The following ZFAND5 variants were observed in gnomAD, a reference collection of about 807,000 sequenced individuals.
ZFAND5 encodes AN1-type zinc finger protein 5.
ZFAND5 carries 4 observed loss-of-function variants against 23.6 expected under a neutral mutation model. The observed-to-expected ratio is 0.17, with a 90% CI of 0.08 to 0.39. The LOEUF is 0.39. Among genes scored for constraint, ZFAND5 ranks in the 10% least tolerant of loss-of-function variants. ZFAND5 has a pLI of 1.00. For synonymous variants in ZFAND5, 68 were observed against 80.6 expected (o/e 0.84, Z 0.84); for missense variants, 161 against 253.7 (o/e 0.63, Z 2.48).
intron 4 of ZFAND5, 60 bp from the exon 5 acceptor site, chr9:72,359,581 A>G (rs1001516169): frequency 3.2e-5 from 46 of 1,434,978 alleles, no homozygotes; most frequent in Admixed American, 6.0e-5. Context: ...GAGACAATGA[A>G]TAAGTTGTCA....
rs1281279023 is a variant in ZFAND5, at chr9:72,354,650, T to A, written c.*1303A>T. 1 of 152,600 alleles carries A rather than the reference T, an allele frequency of 6.6e-6. No homozygotes were observed. Among genetic ancestry groups the A allele is most frequent in the East Asian group, 1.9e-4 (1 of 5,196 alleles). 9.5% of individuals were successfully genotyped at this position (152,600 alleles called of 1,614,324 possible). On this transcript the variant is annotated 3_prime_UTR_variant, in exon 7 of 7. Transcript: ENST00000376962. ...AAAAGTAAAAACTAGGACTGAACAT[T>A]GCAATAAATCAGAAGTAGTGCCTCG...
At position 72,360,173 on chromosome 9, in the gene ZFAND5, T is replaced by A. The variant is rs1039559530; in HGVS notation, c.200A>T (p.Gln67Leu). The A allele has an allele frequency of 1.9e-6, 3 of 1,612,958 alleles. No individual in the cohort carries two copies. The African/African-American group carries it at 4.0e-5, about 22-fold the overall frequency. ...NSPTSDSASVQRADTSLNNCE... is the reference protein window; with the variant it reads ...NSPTSDSASVLRADTSLNNCE... Reference sequence around the variant, plus strand: ...GTTGTTTAAGCTAGTGTCTGCTCTCTGTACAGATGCAGAATCTGAGGTAGG... The same window carrying A: ...GTTGTTTAAGCTAGTGTCTGCTCTCAGTACAGATGCAGAATCTGAGGTAGG... Residue 67 changes from glutamine (Q) to leucine (L), a missense_variant, in exon 4 of 7, where the codon CAG becomes CTG. Gln to Leu is a moderately radical substitution (Grantham distance 113). Coordinates refer to ENST00000376962, the MANE Select transcript of ZFAND5 (RefSeq NM_001102420.3).
intron 2 of ZFAND5, 117 bp from the exon 3 acceptor site, chr9:72,360,904 A>C (rs1454122145): frequency 3.3e-6 from 3 of 913,598 alleles, no homozygotes; most frequent in Non-Finnish European, 4.6e-6. Context: ...AAATTCCGTT[A>C]ATCATTAAAA....
intron 5 of ZFAND5, among the ~76,000 whole-genome samples, chr9:72,357,935 AAAT>A (rs1318071701): frequency 6.6e-6 from 1 of 152,164 alleles, no homozygotes; most frequent in East Asian, 1.9e-4. Flanking sequence ...TTTAACACAA[AAAT>A]AACAAAATTT....
At chr9:72,358,317 G>A (rs1464871079) in intron 5 of ZFAND5, among the ~76,000 whole-genome samples, 2 of 152,078 alleles carry the variant, frequency 1.3e-5, no homozygotes, top group African/African-American at 2.4e-5. Flanking sequence ...TGGGGTAGAG[G>A]GAGGGTGTCA....
chr9:72,360,528 G>T, intron 3 of ZFAND5, 100 bp downstream of exon 3: 1 of 1,509,980 alleles, frequency 6.6e-7, no homozygotes, highest in Non-Finnish European at 9.1e-7. Flanking sequence ...CTTATCAGGT[G>T]TTCTCTCCAT....
Position 72,355,513 on chromosome 9 carries a change from T to G in ZFAND5, c.*440A>C, listed in dbSNP as rs1279100651. The G allele has an allele frequency of 6.5e-6, 1 of 153,084 alleles. No homozygotes were observed. Among genetic ancestry groups the G allele is most frequent in the Non-Finnish European group, 1.5e-5 (1 of 68,328 alleles). 9.5% of individuals were successfully genotyped at this position (153,084 alleles called of 1,614,324 possible). A position where few individuals can be genotyped will look rare whatever the true frequency, so the allele number is the denominator to read the frequency against. ...GTTGTGAAATTAAAGAGGGTGAAGT[T>G]TAACTATGGTAGAAGTAGACTGCCA... On this transcript the variant is annotated 3_prime_UTR_variant, in exon 7 of 7. Transcript: ENST00000376962.
chr9:72,364,625 G>A, intron 1 of ZFAND5, 71 bp downstream of exon 1: 2 of 1,191,396 alleles, frequency 1.7e-6, no homozygotes, highest in Non-Finnish European at 1.1e-6. Flanking sequence ...GCGGCGCCCC[G>A]GTCCCTTCAC....
Position 72,364,263 on chromosome 9 carries a change from T to C in ZFAND5, c.-147+433A>G, listed in dbSNP as rs1046647. The C allele has an allele frequency of 4.2e-3, 1,773 of 419,280 alleles. 27 individuals are homozygous for C. Among genetic ancestry groups the C allele is most frequent in the African/African-American group, 0.038 (1,665 of 44,320 alleles). The allele number at this position is 419,280 out of a possible 1,614,324, so 26.0% of individuals were successfully genotyped here. On this transcript the variant is annotated intron_variant, in intron 1 of 6. Coordinates refer to ENST00000376962, the MANE Select transcript of ZFAND5 (RefSeq NM_001102420.3). ...CCTTCGCCTGCAGGCCCCACGCGGA[T>C]CCCCGACCCCCGACCCCCGACCCCG... is the stretch of plus-strand genomic sequence containing the variant.
At chr9:72,364,269 A>ACC (rs1322131972) in intron 1 of ZFAND5, 1 of 314,734 alleles carries the variant, frequency 3.2e-6, no homozygotes, top group African/African-American at 2.4e-5. Context: ...CGGATCCCCG[A>ACC]CCCCCGACCC....
intron 2 of ZFAND5, 118 bp downstream of exon 2, chr9:72,363,351 AC>A: frequency 6.6e-6 from 1 of 152,462 alleles, no homozygotes; most frequent in South Asian, 2.1e-4. Flanking sequence ...TTAAAAAAAC[AC>A]CCGAGTGTAA....
chr9:72,360,346 C>T, intron 3 of ZFAND5, 125 bp from the exon 4 acceptor site: 1 of 914,318 alleles, frequency 1.1e-6, no homozygotes, highest in Non-Finnish European at 1.7e-6. Context: ...GTGCTGTAAT[C>T]CTATACTTGA....
At chr9:72,360,357 G>C in intron 3 of ZFAND5, 136 bp from the exon 4 acceptor site, 2 of 868,830 alleles carry the variant, frequency 2.3e-6, no homozygotes. Flanking sequence ...CTATACTTGA[G>C]TATCCAAACA....
intron 6 of ZFAND5, among the ~76,000 whole-genome samples, chr9:72,356,371 G>C (rs1273527696): frequency 6.6e-6 from 1 of 152,180 alleles, no homozygotes; most frequent in Non-Finnish European, 1.5e-5. Flanking sequence ...CAATAGCGAA[G>C]TGTTTGGTAA....
rs995433435 is a variant in ZFAND5 at position 72,355,173 on chromosome 9, G to A, written c.*780C>T. On this transcript the variant is annotated 3_prime_UTR_variant, in exon 7 of 7. Transcript: ENST00000376962. ...GAGCTGCTGTATGTGAAAACCAAAC[G>A]TAGAGTTTAAATTTCTTCTTGTAAA... 2.0e-5 allele frequency: 3 copies of A among 152,610 alleles called. No individual in the cohort carries two copies. Among genetic ancestry groups the A allele is most frequent in the African/African-American group, 7.2e-5 (3 of 41,442 alleles). The allele number at this position is 152,610 out of a possible 1,614,324, so 9.5% of individuals were successfully genotyped here.
intron 4 of ZFAND5, 146 bp from the exon 5 acceptor site, chr9:72,359,667 G>C (rs1444665552): frequency 1.3e-6 from 1 of 754,536 alleles, no homozygotes; most frequent in Non-Finnish European, 2.0e-6. Flanking sequence ...AAAAAAATTG[G>C]ATGCCCAGCA....
chr9:72,361,808 G>A (rs1564312300), intron 2 of ZFAND5, among the ~76,000 whole-genome samples: 1 of 152,080 alleles, frequency 6.6e-6, no homozygotes, highest in African/African-American at 2.4e-5. Context: ...AGTTGTGGAG[G>A]GTTTTCATGT....
rs1841895290 is a variant in ZFAND5, at chr9:72,354,847, T to C, written c.*1106A>G. The C allele has an allele frequency of 6.6e-6, 1 of 152,652 alleles. No homozygotes were observed. The highest frequency in any genetic ancestry group is 1.5e-5 in the Non-Finnish European group (1 of 68,034). The allele number at this position is 152,652 out of a possible 1,614,324, so 9.5% of individuals were successfully genotyped here. A position where few individuals can be genotyped will look rare whatever the true frequency, so the allele number is the denominator to read the frequency against. On this transcript the variant is annotated 3_prime_UTR_variant, in exon 7 of 7. Coordinates refer to ENST00000376962, the MANE Select transcript of ZFAND5 (RefSeq NM_001102420.3). Reference sequence around the variant, plus strand: ...GAAGTATACTGCCTTTTCTAGTTGTTATTGTACAATGCTGTAGATAATGCA... The same window carrying C: ...GAAGTATACTGCCTTTTCTAGTTGTCATTGTACAATGCTGTAGATAATGCA...
chr9:72,358,726 A>C (rs1842011604), intron 5 of ZFAND5, among the ~76,000 whole-genome samples: 1 of 152,160 alleles, frequency 6.6e-6, no homozygotes, highest in African/African-American at 2.4e-5. Context: ...AACCACTGAC[A>C]GTATTTTTTC....
Sources: gnomAD v4.1 joint callset for allele counts (sites outside exome capture counted in the v4.1 genomes callset) on GRCh38, gnomAD v4.1.1 for gene constraint, MANE v1.5 for transcripts, NCBI Gene and HGNC (gene_info 2026-07-23, HGNC 2026-07-21) for gene names.